The following COXFA4L2 variants were observed in gnomAD, a reference collection of about 807,000 sequenced individuals.
COXFA4L2 encodes NADH dehydrogenase (ubiquinone) 1 alpha subcomplex, 4-like 2.
the COXFA4L2 span, chr12:57,237,904 C>G: frequency 1.3e-5 from 2 of 154,416 alleles, no homozygotes; most frequent in Non-Finnish European, 2.9e-5. Context: ...CAGGAAAGAT[C>G]GGACAGATGC....
chr12:57,240,704 A>C, the COXFA4L2 span: 1 of 985,106 alleles, frequency 1.0e-6, no homozygotes, highest in Non-Finnish European at 1.2e-6. Context: ...CGATGGCAAC[A>C]CACACTCCCC....
the COXFA4L2 span, among the ~76,000 whole-genome samples, chr12:57,239,372 C>G: frequency 6.6e-6 from 1 of 152,228 alleles, no homozygotes; most frequent in South Asian, 2.1e-4. This position sits in a 1 kb window ranked among gnomAD's most constrained non-coding sequence, Gnocchi z 5.5. Flanking sequence ...CCGCCACTCC[C>G]GCCTCCAAGA....
chr12:57,236,696 G>A, the COXFA4L2 span: 2 of 1,550,592 alleles, frequency 1.3e-6, no homozygotes, highest in Non-Finnish European at 8.7e-7. Flanking sequence ...GGGGAAGAGG[G>A]AGAGCACTTT....
the COXFA4L2 span, chr12:57,235,869 C>T: frequency 7.0e-7 from 1 of 1,436,258 alleles, no homozygotes; most frequent in Non-Finnish European, 9.3e-7. Context: ...ACTCTGTAAC[C>T]CAATTTGACC....
the COXFA4L2 span, chr12:57,235,306 G>A: frequency 3.4e-6 from 2 of 585,556 alleles, no homozygotes; most frequent in Admixed American, 3.0e-5. Flanking sequence ...TGGGCTCTTG[G>A]TGGACCCCTG....
chr12:57,240,634 C>G, the COXFA4L2 span: 1 of 981,652 alleles, frequency 1.0e-6, no homozygotes. Context: ...CCGCGCGGCT[C>G]ACACCCAGGC....
chr12:57,239,631 C>G, the COXFA4L2 span: 13 of 153,304 alleles, frequency 8.5e-5, no homozygotes, highest in Non-Finnish European at 1.5e-4. The surrounding 1 kb of genome is among the most constrained non-coding windows in gnomAD (Gnocchi z 5.5). Context: ...GGCTGCCCTT[C>G]TTTCTGCCTC....
At chr12:57,240,558 C>T in the COXFA4L2 span, 9 of 493,704 alleles carry the variant, frequency 1.8e-5, no homozygotes, top group African/African-American at 1.3e-4. Flanking sequence ...GGGAGACTCA[C>T]CCCGGCGCGC....
chr12:57,237,886 G>T, the COXFA4L2 span: 1 of 154,494 alleles, frequency 6.5e-6, no homozygotes, highest in Non-Finnish European at 1.5e-5. Flanking sequence ...GGAATGGAGT[G>T]GGGGAAACAG....
the COXFA4L2 span, chr12:57,235,379 G>A: frequency 1.6e-4 from 106 of 673,240 alleles, no homozygotes; most frequent in African/African-American, 1.3e-3. Context: ...AGGCGCTTCC[G>A]CTGCTGGGAG....
At chr12:57,238,659 C>T in the COXFA4L2 span, among the ~76,000 whole-genome samples, 2 of 152,228 alleles carry the variant, frequency 1.3e-5, no homozygotes, top group African/African-American at 2.4e-5. The surrounding 1 kb of genome is among the most constrained non-coding windows in gnomAD (Gnocchi z 6.8). Context: ...CTGGTCCTTG[C>T]GCCTTTGCTC....
the COXFA4L2 span, chr12:57,235,658 A>G: frequency 6.2e-7 from 1 of 1,613,074 alleles, no homozygotes; most frequent in Admixed American, 1.7e-5. Flanking sequence ...TGAGTACCCC[A>G]AGCCTCCCTT....
At chr12:57,235,139 C>CCCTGGGCTGGCTCTCAGAG in the COXFA4L2 span, 1 of 209,064 alleles carries the variant, frequency 4.8e-6, no homozygotes, top group Non-Finnish European at 9.9e-6. Context: ...GCAGCGCCGC[C>CCCTGGGCTGGCTCTCAGAG]CCTGGGCTGG....
chr12:57,236,531 C>T, the COXFA4L2 span: 1 of 1,404,198 alleles, frequency 7.1e-7, no homozygotes, highest in Non-Finnish European at 9.6e-7. Flanking sequence ...ACTAGGGCCG[C>T]CTATTTCCAC....
chr12:57,236,216 T>C, the COXFA4L2 span: 1 of 327,674 alleles, frequency 3.1e-6, no homozygotes, highest in East Asian at 4.9e-5. Flanking sequence ...CGGCCGGGTG[T>C]GAAATCTCCG....
At chr12:57,236,918 G>T in the COXFA4L2 span, 2 of 1,436,328 alleles carry the variant, frequency 1.4e-6, no homozygotes, top group East Asian at 2.3e-5. Flanking sequence ...AACCTTAGGG[G>T]AAGAATAGGA....
the COXFA4L2 span, among the ~76,000 whole-genome samples, chr12:57,238,075 C>T: frequency 6.6e-6 from 1 of 152,128 alleles, no homozygotes; most frequent in South Asian, 2.1e-4. This position sits in a 1 kb window ranked among gnomAD's most constrained non-coding sequence, Gnocchi z 6.8. Context: ...ATATCTCTCC[C>T]CACTCCCACG....
At chr12:57,236,354 C>A in the COXFA4L2 span, 464,274 of 473,094 alleles carry the variant, frequency 0.98, 228,374 homozygotes, top group East Asian at 1. Flanking sequence ...CATGGCAACC[C>A]GGCCGGGAGA....
At chr12:57,238,778 G>A in the COXFA4L2 span, among the ~76,000 whole-genome samples, 1 of 152,094 alleles carries the variant, frequency 6.6e-6, no homozygotes, top group African/African-American at 2.4e-5. The surrounding 1 kb of genome is among the most constrained non-coding windows in gnomAD (Gnocchi z 6.8). Flanking sequence ...CTGTCCCTCC[G>A]GCCTTGGGCC....
Sources: gnomAD v4.1 joint callset for allele counts (sites outside exome capture counted in the v4.1 genomes callset) on GRCh38, gnomAD v4.1.1 for gene constraint, Gnocchi (gnomAD v3.1) non-coding constraint, MANE v1.5 for transcripts, NCBI Gene and HGNC (gene_info 2026-07-23, HGNC 2026-07-21) for gene names.